Variants in CENPC observed in about 807,000 individuals in gnomAD.
The protein encoded by CENPC is CENP-C 1.
A neutral mutation model predicts 112.1 loss-of-function variants in CENPC; 63 were observed. The ratio of observed to expected loss-of-function variants is 0.56; its 90% CI spans 0.46 to 0.69. The LOEUF is 0.69. CENPC is among the 30% of genes least tolerant of loss of function. The pLI is 0.00. For missense variants in CENPC, 1,000 were observed against 1,103.8 expected (o/e 0.91, Z 1.33); for synonymous variants, 333 against 367.6 (o/e 0.91, Z 1.08).
chr4:67,492,719 G>A, intron 15 of CENPC, 150 bp downstream of exon 15: 1 of 1,182,318 alleles, frequency 8.5e-7, no homozygotes, highest in African/African-American at 1.6e-5. Flanking sequence ...TTTCCATTTG[G>A]AAGAAAGTAG....
Position 67,519,397 on chromosome 4 carries a change from C to T in CENPC, c.437G>A (p.Ser146Asn), listed in dbSNP as rs566531382. 130 of 1,613,020 alleles carry T rather than the reference C, an allele frequency of 8.1e-5. 3 individuals carry two copies. The South Asian group carries it at 1.4e-3, about 17-fold the overall frequency. ...TAAGTAAAATTCTTCATCAGCTTCA[C>T]TGTGATGATCATTTATGTTTCTACT... The part of the protein sequence containing the change: ...ISSRNINDHH[S>N]EADEEFYLSV... Residue 146 changes from serine (S) to asparagine (N), a missense_variant, in exon 6 of 19, where the codon AGT becomes AAT. By Grantham distance (46) the Ser-to-Asn change is conservative. Coordinates refer to ENST00000273853, the MANE Select transcript of CENPC (RefSeq NM_001812.4).
At chr4:67,482,925 CAT>C (rs200350597) in intron 17 of CENPC, among the ~76,000 whole-genome samples, 9,364 of 152,204 alleles carry the variant, frequency 0.062, 445 homozygotes, top group Admixed American at 0.18. Context: ...ATAATCCCCA[CAT>C]GTCATGGGAG....
At chr4:67,497,844 T>TA (rs955702075) in intron 12 of CENPC, among the ~76,000 whole-genome samples, 12 of 150,234 alleles carry the variant, frequency 8.0e-5, no homozygotes, top group Non-Finnish European at 1.8e-4. Flanking sequence ...GTTATGTCTA[T>TA]ACTATACTAT....
At chr4:67,475,033 A>G in intron 17 of CENPC, 55 bp from the exon 18 acceptor site, 2 of 950,592 alleles carry the variant, frequency 2.1e-6, no homozygotes, top group Non-Finnish European at 3.2e-6. Flanking sequence ...TAATACTTCA[A>G]AGGAACCTTA....
intron 4 of CENPC, among the ~76,000 whole-genome samples, chr4:67,533,687 A>G (rs1408096433): frequency 6.6e-6 from 1 of 152,232 alleles, no homozygotes; most frequent in Non-Finnish European, 1.5e-5. Context: ...AGAAGCAGAC[A>G]GATTACTGTT....
intron 5 of CENPC, among the ~76,000 whole-genome samples, chr4:67,526,603 A>C (rs145882188): frequency 2.2e-4 from 34 of 152,290 alleles, no homozygotes; most frequent in African/African-American, 7.9e-4. Flanking sequence ...GATTAACACC[A>C]ATTTTACACA....
At chr4:67,510,485 C>T (rs1479074316) in intron 9 of CENPC, among the ~76,000 whole-genome samples, 1 of 152,094 alleles carries the variant, frequency 6.6e-6, no homozygotes, top group Non-Finnish European at 1.5e-5. Context: ...ATGTATATTC[C>T]CAATGCCTAA....
chr4:67,520,358 CT>C (rs1163106101), intron 5 of CENPC, among the ~76,000 whole-genome samples: 2 of 152,166 alleles, frequency 1.3e-5, no homozygotes, highest in African/African-American at 4.8e-5. Context: ...AGTGAAACCC[CT>C]GACCTTCACA....
intron 4 of CENPC, among the ~76,000 whole-genome samples, chr4:67,536,735 T>A (rs996537716): frequency 1.4e-5 from 2 of 147,872 alleles, no homozygotes; most frequent in African/African-American, 5.0e-5. Flanking sequence ...TTAGAAAAAA[T>A]TAATAATATA....
At chr4:67,482,151 AAG>A (rs1203359411) in intron 17 of CENPC, among the ~76,000 whole-genome samples, 4 of 152,222 alleles carry the variant, frequency 2.6e-5, no homozygotes, top group Non-Finnish European at 4.4e-5. Context: ...AATGGCCAAG[AAG>A]CACACAAAAA....
intron 9 of CENPC, chr4:67,511,083 C>T: frequency 2.2e-6 from 1 of 455,784 alleles, no homozygotes; most frequent in Non-Finnish European, 4.4e-6. Flanking sequence ...CACTTCAATA[C>T]TAACATATGC....
rs1459896092 is a variant in CENPC, at chr4:67,514,337, T to C, written c.1181A>G (p.Asn394Ser). 1 of 1,612,030 alleles carries C rather than the reference T, an allele frequency of 6.2e-7. No homozygotes were observed. The highest frequency in any genetic ancestry group is 1.1e-5 in the South Asian group (1 of 90,920). Residue 394 changes from asparagine (N) to serine (S), a missense_variant, in exon 8 of 19, where the codon AAT (asparagine) becomes AGT (serine). Physicochemically the swap from Asn to Ser is conservative, Grantham distance 46. Coordinates refer to ENST00000273853, the MANE Select transcript of CENPC (RefSeq NM_001812.4). ...CATTTCATATTTTGTAGATCTATAA[T>C]TATTTACTGTTTCACCTATCAAAGC... The part of the protein sequence containing the change: ...SYALIGETVN[N>S]YRSTKYEMYS...
intron 12 of CENPC, among the ~76,000 whole-genome samples, chr4:67,499,927 T>C (rs1013592362): frequency 6.6e-6 from 1 of 152,140 alleles, no homozygotes; most frequent in African/African-American, 2.4e-5. Flanking sequence ...TCTCAGGAAA[T>C]AGGGAAGCCT....
intron 12 of CENPC, among the ~76,000 whole-genome samples, chr4:67,504,149 A>C (rs1725671240): frequency 1.3e-5 from 2 of 149,896 alleles, no homozygotes; most frequent in South Asian, 4.2e-4. Flanking sequence ...AACCAATCCC[A>C]GGTCCATGAC....
chr4:67,498,972 C>T (rs1725515149), intron 12 of CENPC, among the ~76,000 whole-genome samples: 1 of 152,188 alleles, frequency 6.6e-6, no homozygotes, highest in Non-Finnish European at 1.5e-5. Context: ...ACTTAAAAGT[C>T]CAAATTATTC....
rs909251206 is a variant in CENPC, at chr4:67,506,947, T to C, written c.1905-13A>G. 1 of 1,589,392 alleles carries C rather than the reference T, an allele frequency of 6.3e-7. No homozygotes were observed. Among genetic ancestry groups the C allele is most frequent in the African/African-American group, 1.4e-5 (1 of 73,832 alleles). On this transcript the variant is annotated splice_polypyrimidine_tract_variant and intron_variant, in intron 10 of 18. Transcript: ENST00000273853. ...GCTTCTTGTAGATCTATAAAAATGA[T>C]AAATGTATGAGTGTTTATACTTCTT...
chr4:67,529,299 T>C (rs1008925582), intron 5 of CENPC, among the ~76,000 whole-genome samples: 1 of 152,168 alleles, frequency 6.6e-6, no homozygotes, highest in Admixed American at 6.6e-5. Context: ...TTTCACACTC[T>C]TGACAGTGTC....
intron 5 of CENPC, among the ~76,000 whole-genome samples, chr4:67,520,479 G>GT (rs1420520515): frequency 1.3e-5 from 2 of 152,036 alleles, no homozygotes; most frequent in Non-Finnish European, 2.9e-5. Flanking sequence ...CAAGAACAGC[G>GT]TAAGAGAGGC....
At chr4:67,501,231 C>T (rs901376101) in intron 12 of CENPC, among the ~76,000 whole-genome samples, 1 of 152,112 alleles carries the variant, frequency 6.6e-6, no homozygotes, top group South Asian at 2.1e-4. Context: ...TTGCTTGAAC[C>T]TGGGAGGTGG....
Sources: allele counts gnomAD v4.1 joint callset (sites outside exome capture counted in the v4.1 genomes callset), GRCh38; gene constraint gnomAD v4.1.1; transcripts MANE v1.5; gene names NCBI Gene and HGNC (gene_info 2026-07-23, HGNC 2026-07-21).